Variants in CCT2 observed in about 807,000 individuals in gnomAD.
The protein encoded by CCT2 is chaperonin containing TCP1 subunit 2, also known as T-complex protein 1 subunit beta.
In CCT2, 18 loss-of-function variants were observed where a neutral mutation model predicts 61.8. The ratio of observed to expected loss-of-function variants is 0.29; its 90% confidence interval spans 0.20 to 0.43. CCT2 has a LOEUF of 0.43. Ranked by LOEUF, CCT2 falls within the 20% of genes least tolerant of loss-of-function variation. The probability of loss-of-function intolerance (pLI) is 1.00; values close to 1 mark genes in which losing one functional copy is unlikely to be tolerated. For synonymous variants in CCT2, 248 were observed against 215.9 expected (o/e 1.15, Z -1.30); for missense variants, 556 against 656.9 (o/e 0.85, Z 1.68).
rs572546075 is a variant in CCT2, at chr12:69,601,390, A to G, written c.*65A>G. ...CAAAGTTGTGTTTGAAAGATACTCT[A>G]TTAAAGAAGACTGTGGAATCTGTTT... On this transcript the variant is annotated 3_prime_UTR_variant, in exon 16 of 16. Transcript: ENST00000299300. 501 of 1,613,706 alleles carry G rather than the reference A, an allele frequency of 3.1e-4. 7 individuals are homozygous for G. The South Asian group carries it at 5.2e-3, about 17-fold the overall frequency.
intron 10 of CCT2, among the ~76,000 whole-genome samples, chr12:69,596,225 A>G (rs987250864): frequency 6.8e-6 from 1 of 147,660 alleles, no homozygotes; most frequent in Non-Finnish European, 1.5e-5. Flanking sequence ...CCAAAAGTAA[A>G]AAGAACTTTA....
intron 14 of CCT2, among the ~76,000 whole-genome samples, chr12:69,598,842 T>G (rs1449497947): frequency 6.6e-6 from 1 of 151,880 alleles, no homozygotes. Context: ...TGAGGCAGAT[T>G]TAATTCATAT....
intron 9 of CCT2, 23 bp from the exon 10 acceptor site, chr12:69,593,487 G>C (rs1565800639): frequency 6.9e-7 from 1 of 1,446,674 alleles, no homozygotes; most frequent in African/African-American, 1.4e-5. Flanking sequence ...TGAGCATAAT[G>C]TTTTCATGTA....
chr12:69,596,310 G>A (rs887524467), intron 10 of CCT2, among the ~76,000 whole-genome samples: 1 of 152,146 alleles, frequency 6.6e-6, no homozygotes, highest in Non-Finnish European at 1.5e-5. Flanking sequence ...AAATAATAGA[G>A]CATTGACAGA....
chr12:69,595,594 A>G (rs1419684998), intron 10 of CCT2, among the ~76,000 whole-genome samples: 1 of 149,886 alleles, frequency 6.7e-6, no homozygotes, highest in Non-Finnish European at 1.5e-5. Context: ...AGGCTGAGGC[A>G]GGAGAATCAC....
intron 2 of CCT2, 37 bp downstream of exon 2, chr12:69,586,381 C>G (rs1274153504): frequency 2.7e-6 from 4 of 1,485,940 alleles, no homozygotes; most frequent in South Asian, 2.3e-5. Context: ...AAAGATAAAA[C>G]TGGAGGCCAG....
chr12:69,600,929 TTGG>T (rs1376171968), intron 15 of CCT2, among the ~76,000 whole-genome samples: 1 of 152,224 alleles, frequency 6.6e-6, no homozygotes, highest in Non-Finnish European at 1.5e-5. Flanking sequence ...GTGCTTCTTG[TTGG>T]TGGGGGTGTC....
At chr12:69,600,115 A>C in intron 15 of CCT2, 111 bp downstream of exon 15, 1 of 1,020,574 alleles carries the variant, frequency 9.8e-7, no homozygotes, top group East Asian at 2.7e-5. Flanking sequence ...TGCCTGGATA[A>C]AAGTATGTAA....
At chr12:69,585,871 T>C in intron 1 of CCT2, 1 of 1,298,592 alleles carries the variant, frequency 7.7e-7, no homozygotes, top group Non-Finnish European at 9.8e-7. Context: ...GTCTGAGCCA[T>C]CAGAGGGTGG....
chr12:69,586,918 G>C, intron 3 of CCT2, 100 bp downstream of exon 3: 1 of 720,118 alleles, frequency 1.4e-6, no homozygotes, highest in Non-Finnish European at 2.2e-6. Flanking sequence ...TCTTTAAAAC[G>C]TTTAATTATA....
chr12:69,594,239 C>T (rs746705402), intron 10 of CCT2, among the ~76,000 whole-genome samples: 11 of 151,980 alleles, frequency 7.2e-5, no homozygotes, highest in Non-Finnish European at 1.0e-4. Flanking sequence ...AGTCTACTTA[C>T]ATTTATCTAG....
chr12:69,601,291 A>G lies in CCT2; in HGVS notation c.1578-4A>G, dbSNP rs943756892. ...CACTATTGACTTTTTTCTTACTCTC[A>G]TAGGAAACGTGTCCCTGATCACCAC... On this transcript the variant is annotated splice_polypyrimidine_tract_variant and splice_region_variant and intron_variant, in intron 15 of 15. Transcript: ENST00000299300. 1.3e-6 allele frequency: 2 copies of G among 1,597,128 alleles called. No individual in the cohort carries two copies. Among genetic ancestry groups the G allele is most frequent in the Non-Finnish European group, 1.7e-6 (2 of 1,175,106 alleles).
At chr12:69,597,487 C>T in intron 11 of CCT2, 151 bp from the exon 12 acceptor site, 1 of 1,038,166 alleles carries the variant, frequency 9.6e-7, no homozygotes, top group Non-Finnish European at 1.4e-6. Context: ...TCCTTGATAA[C>T]TTAGAACCAT....
At chr12:69,599,671 G>A in intron 14 of CCT2, 192 bp from the exon 15 acceptor site, 2 of 385,270 alleles carry the variant, frequency 5.2e-6, no homozygotes, top group South Asian at 4.7e-5. Flanking sequence ...ACAGATGTGA[G>A]CCGCTGCACC....
At chr12:69,591,848 A>G (rs1185328448) in intron 7 of CCT2, among the ~76,000 whole-genome samples, 1 of 151,992 alleles carries the variant, frequency 6.6e-6, no homozygotes, top group Non-Finnish European at 1.5e-5. Context: ...ACTAAAATCC[A>G]TGGCTTTCAG....
intron 12 of CCT2, 52 bp from the exon 13 acceptor site, chr12:69,597,916 A>G: frequency 1.3e-6 from 2 of 1,491,316 alleles, no homozygotes; most frequent in Non-Finnish European, 1.9e-6. Context: ...GTAATTCAGT[A>G]TCTTGGAGAC....
rs201201152 is a variant in CCT2, at chr12:69,597,728, C to T, written c.1193C>T (p.Ala398Val). 2.1e-4 allele frequency: 344 copies of T among 1,613,360 alleles called. No individual in the cohort carries two copies. Among genetic ancestry groups the T allele is most frequent in the Non-Finnish European group, 2.3e-4 (269 of 1,179,556 alleles). Reference sequence around the variant, plus strand: ...TTGCATGATGCTCTTTGTGTTCTTGCGCAAACTGTAAAGGACTCTAGAACA... The same window carrying T: ...TTGCATGATGCTCTTTGTGTTCTTGTGCAAACTGTAAAGGACTCTAGAACA... ...RSLHDALCVLAQTVKDSRTVY... is the reference protein window; with the variant it reads ...RSLHDALCVLVQTVKDSRTVY... Residue 398 changes from alanine (A) to valine (V), a missense_variant, in exon 12 of 16, where the codon GCG (alanine) becomes GTG (valine). Transcript: ENST00000299300.
chr12:69,596,706 A>T (rs1247426277), intron 10 of CCT2, among the ~76,000 whole-genome samples: 1 of 152,166 alleles, frequency 6.6e-6, no homozygotes, highest in Non-Finnish European at 1.5e-5. Context: ...TGTGCTGGGA[A>T]TTGTATCATG....
intron 10 of CCT2, among the ~76,000 whole-genome samples, chr12:69,596,749 G>T (rs1882004382): frequency 6.6e-6 from 1 of 152,160 alleles, no homozygotes; most frequent in South Asian, 2.1e-4. Context: ...ATTCAGAAGA[G>T]AATCTGAATT....
Sources: gnomAD v4.1 joint callset for allele counts (sites outside exome capture counted in the v4.1 genomes callset) on GRCh38, gnomAD v4.1.1 for gene constraint, MANE v1.5 for transcripts, NCBI Gene and HGNC (gene_info 2026-07-23, HGNC 2026-07-21) for gene names.